PPP3R1: variants seen among roughly 807,000 people sequenced by gnomAD.
PPP3R1 encodes protein phosphatase 3 regulatory subunit B, alpha, also known as calcineurin subunit B type 1.
In PPP3R1, 5 loss-of-function variants were observed where a neutral mutation model predicts 22.6. The observed-to-expected ratio is 0.22, with a 90% CI of 0.12 to 0.46. PPP3R1 has a LOEUF of 0.46. Among genes scored for constraint, PPP3R1 ranks in the 20% least tolerant of loss-of-function variants. The probability of loss-of-function intolerance (pLI) is 0.99; values close to 1 mark genes in which losing one functional copy is unlikely to be tolerated. For missense variants in PPP3R1, 61 were observed against 203.2 expected (o/e 0.30, Z 4.25); for synonymous variants, 56 against 65.2 (o/e 0.86, Z 0.68).
intron 2 of PPP3R1, among the ~76,000 whole-genome samples, chr2:68,196,022 T>C (rs1388324090): frequency 6.6e-6 from 1 of 152,072 alleles, no homozygotes. Context: ...AACCATATTA[T>C]AGGATGAGAA....
rs184518965 is a variant in PPP3R1 at position 68,202,469 on chromosome 2, C to G, written c.44-13779G>C. On this transcript the variant is annotated intron_variant, in intron 2 of 5. Transcript: ENST00000234310. Reference sequence around the variant, plus strand: ...AGATGGAGTCTCGCTCTGTCTCCCACGCTGGAGTGCAATGACACAGACTCG... The same window carrying G: ...AGATGGAGTCTCGCTCTGTCTCCCAGGCTGGAGTGCAATGACACAGACTCG... Among the ~76,000 whole-genome samples, 887 of 151,392 alleles carry G rather than the reference C, an allele frequency of 5.9e-3. 17 individuals are homozygous for G. Among genetic ancestry groups the G allele is most frequent in the Admixed American group, 0.02 (301 of 15,180 alleles).
intron 1 of PPP3R1, among the ~76,000 whole-genome samples, chr2:68,227,783 CTATT>C (rs59965103): frequency 0.21 from 32,331 of 151,854 alleles, 3,645 homozygotes; most frequent in Non-Finnish European, 0.25. Flanking sequence ...TTTCCTTCTA[CTATT>C]TAATGTTAAC....
rs1460048089 is a variant in PPP3R1, at chr2:68,179,788, TTAAGTGGCA to T, written c.*1166_*1174del. ...GCTCTATCCCTCGTGGTAAAGAAAT[TTAAGTGGCA>T]TAAATTTGGATACAATTTTGCTCTT... On this transcript the variant is annotated 3_prime_UTR_variant, in exon 6 of 6. Transcript: ENST00000234310. 2.0e-5 allele frequency: 3 copies of T among 152,200 alleles called. No individual in the cohort carries two copies. The highest frequency in any genetic ancestry group is 4.4e-5 in the Non-Finnish European group (3 of 68,024). 9.4% of individuals were successfully genotyped at this position (152,200 alleles called of 1,614,324 possible). A position where few individuals can be genotyped will look rare whatever the true frequency, so the allele number is the denominator to read the frequency against.
chr2:68,205,703 T>C (rs538728093), intron 2 of PPP3R1, among the ~76,000 whole-genome samples: 3 of 152,272 alleles, frequency 2.0e-5, no homozygotes, highest in Admixed American at 2.0e-4. Context: ...TTAGACAATG[T>C]GTTGATAAAA....
Position 68,198,243 on chromosome 2 carries a change from A to G in PPP3R1, c.44-9553T>C, listed in dbSNP as rs111908493. ...ACATTTTACATATATGTATACACAT[A>G]TGTACATACATATGTATACATACAT... On this transcript the variant is annotated intron_variant, in intron 2 of 5. Coordinates refer to ENST00000234310, the MANE Select transcript of PPP3R1 (RefSeq NM_000945.4). Among the ~76,000 whole-genome samples the G allele has an allele frequency of 2.0e-4, 10 of 51,210 alleles. No homozygotes were observed. The South Asian group carries it at 0.011, about 57-fold the overall frequency. 33.6% of individuals were successfully genotyped at this position (51,210 alleles called of 152,430 possible). A position where few individuals can be genotyped will look rare whatever the true frequency, so the allele number is the denominator to read the frequency against.
At chr2:68,235,082 G>A (rs1009025312) in intron 1 of PPP3R1, among the ~76,000 whole-genome samples, 8 of 152,180 alleles carry the variant, frequency 5.3e-5, no homozygotes, top group African/African-American at 1.7e-4. Flanking sequence ...TAACGAGAAA[G>A]ATTTGAGTTA....
At chr2:68,223,613 C>T (rs1179949014) in intron 1 of PPP3R1, among the ~76,000 whole-genome samples, 1 of 151,900 alleles carries the variant, frequency 6.6e-6, no homozygotes, top group African/African-American at 2.4e-5. Context: ...GCCAACCAAA[C>T]AGACGCAATA....
chr2:68,228,215 C>A (rs1325584971), intron 1 of PPP3R1, among the ~76,000 whole-genome samples: 1 of 152,170 alleles, frequency 6.6e-6, no homozygotes, highest in East Asian at 1.9e-4. Flanking sequence ...AAATAGTGAA[C>A]CAGCCTTGCA....
intron 2 of PPP3R1, among the ~76,000 whole-genome samples, chr2:68,201,178 C>T (rs1674968036): frequency 6.6e-6 from 1 of 152,060 alleles, no homozygotes; most frequent in African/African-American, 2.4e-5. Flanking sequence ...ATCTACTGTT[C>T]CTATGTGATG....
chr2:68,203,452 T>C (rs1475802586), intron 2 of PPP3R1, among the ~76,000 whole-genome samples: 1 of 152,014 alleles, frequency 6.6e-6, no homozygotes, highest in Non-Finnish European at 1.5e-5. Context: ...AAATACAAAA[T>C]TAACCAGGTG....
At chr2:68,239,249 T>C (rs1038430327) in intron 1 of PPP3R1, among the ~76,000 whole-genome samples, 1 of 152,188 alleles carries the variant, frequency 6.6e-6, no homozygotes, top group African/African-American at 2.4e-5. Flanking sequence ...ATATTTTGAA[T>C]TCATCTACCA....
chr2:68,186,414 T>C, intron 5 of PPP3R1, 54 bp downstream of exon 5: 1 of 1,497,298 alleles, frequency 6.7e-7, no homozygotes, highest in Non-Finnish European at 9.0e-7. Flanking sequence ...AAGTGGTTTT[T>C]AAAATATGTT....
intron 2 of PPP3R1, among the ~76,000 whole-genome samples, chr2:68,212,460 T>C (rs1388265220): frequency 5.3e-5 from 8 of 152,212 alleles, no homozygotes; most frequent in Non-Finnish European, 1.5e-5. Context: ...CCTTACAAAA[T>C]GTCTTTCTTA....
chr2:68,180,701 C>T lies in PPP3R1; in HGVS notation c.*262G>A. 3.0e-6 allele frequency: 1 copy of T among 332,348 alleles called. No homozygotes were observed. Among genetic ancestry groups the T allele is most frequent in the Non-Finnish European group, 5.4e-6 (1 of 184,238 alleles). The allele number at this position is 332,348 out of a possible 1,614,324, so 20.6% of individuals were successfully genotyped here. A position where few individuals can be genotyped will look rare whatever the true frequency, so the allele number is the denominator to read the frequency against. ...GATGAAGAAAAATAAATTAAAAAGCCAACCCCTTCCCTTTCTCCACCACAT... is the reference window on the plus strand; with the variant it reads ...GATGAAGAAAAATAAATTAAAAAGCTAACCCCTTCCCTTTCTCCACCACAT... On this transcript the variant is annotated 3_prime_UTR_variant, in exon 6 of 6. Transcript: ENST00000234310.
chr2:68,246,369 G>A (rs936784296), intron 1 of PPP3R1, among the ~76,000 whole-genome samples: 7 of 151,838 alleles, frequency 4.6e-5, no homozygotes, highest in Non-Finnish European at 7.4e-5. Context: ...CACCGTGCCC[G>A]GCTCTGACTT....
At chr2:68,218,747 A>C (rs1233089533) in intron 1 of PPP3R1, among the ~76,000 whole-genome samples, 2 of 150,840 alleles carry the variant, frequency 1.3e-5, no homozygotes, top group Non-Finnish European at 2.9e-5. Flanking sequence ...TTTTTAAATA[A>C]GTATCATTAC....
At chr2:68,230,011 CAT>C (rs1313748695) in intron 1 of PPP3R1, among the ~76,000 whole-genome samples, 102 of 139,652 alleles carry the variant, frequency 7.3e-4, no homozygotes, top group African/African-American at 2.7e-3. Context: ...CACACACACA[CAT>C]ATATATTTGG....
At chr2:68,251,774 G>C (rs1670363473) in intron 1 of PPP3R1, among the ~76,000 whole-genome samples, 1 of 151,654 alleles carries the variant, frequency 6.6e-6, no homozygotes. Flanking sequence ...CGTGGAGGAG[G>C]GTCGCGAGAA....
chr2:68,231,340 C>G (rs1005236269), intron 1 of PPP3R1, among the ~76,000 whole-genome samples: 1 of 151,864 alleles, frequency 6.6e-6, no homozygotes, highest in Non-Finnish European at 1.5e-5. Context: ...TTTATGTCTT[C>G]TATTTCTTTG....
Sources: allele counts gnomAD v4.1 joint callset (sites outside exome capture counted in the v4.1 genomes callset), GRCh38; gene constraint gnomAD v4.1.1; transcripts MANE v1.5; gene names NCBI Gene and HGNC (gene_info 2026-07-23, HGNC 2026-07-21).